The following TENM4 variants were observed in gnomAD, a reference collection of about 807,000 sequenced individuals.
The protein encoded by TENM4 is teneurin transmembrane protein 4.
Under a neutral mutation model 243.3 loss-of-function variants are expected in TENM4, and 82 were observed. The ratio of observed to expected loss-of-function variants is 0.34; its 90% CI spans 0.28 to 0.40. The LOEUF is 0.40. TENM4 is among the 10% of genes least tolerant of loss of function. TENM4 has a pLI of 1.00. For synonymous variants in TENM4, 1,412 were observed against 1,456.3 expected, an observed-to-expected ratio of 0.97 and a Z score of 0.69; for missense variants, 3,138 against 3,673.3, an observed-to-expected ratio of 0.85 and a Z score of 3.77.
intron 2 of TENM4, among the ~76,000 whole-genome samples, chr11:79,274,188 T>A (rs76841254): frequency 6.6e-6 from 1 of 152,174 alleles, no homozygotes; most frequent in Non-Finnish European, 1.5e-5. Flanking sequence ...AAACATCAAA[T>A]GTAAACACCT....
At chr11:79,077,323 G>A (rs1044533704) in intron 4 of TENM4, among the ~76,000 whole-genome samples, 2 of 152,174 alleles carry the variant, frequency 1.3e-5, no homozygotes, top group African/African-American at 4.8e-5. Context: ...TGGGTCAAAG[G>A]TGGAGAGACC....
At chr11:79,362,734 A>G (rs1857610695) in intron 1 of TENM4, among the ~76,000 whole-genome samples, 1 of 152,240 alleles carries the variant, frequency 6.6e-6, no homozygotes, top group Admixed American at 6.5e-5. Context: ...GACCCTGGGT[A>G]AGTCTCTCAA....
At chr11:79,059,952 G>T (rs1167034160) in intron 6 of TENM4, among the ~76,000 whole-genome samples, 1 of 152,180 alleles carries the variant, frequency 6.6e-6, no homozygotes, top group Non-Finnish European at 1.5e-5. Flanking sequence ...CTCTATTAAA[G>T]AGCTGCAAGG....
At chr11:78,910,187 C>T (rs896206001) in intron 6 of TENM4, among the ~76,000 whole-genome samples, 1 of 152,216 alleles carries the variant, frequency 6.6e-6, no homozygotes, top group African/African-American at 2.4e-5. Context: ...GTGCCCACAT[C>T]CAGCCCTGCA....
At chr11:79,258,152 G>C (rs754135100) in intron 2 of TENM4, among the ~76,000 whole-genome samples, 1 of 152,124 alleles carries the variant, frequency 6.6e-6, no homozygotes. Flanking sequence ...AGACAAATAG[G>C]CCTTTGGAGT....
intron 6 of TENM4, among the ~76,000 whole-genome samples, chr11:78,965,088 G>A (rs1270935547): frequency 6.6e-6 from 1 of 151,870 alleles, no homozygotes; most frequent in Non-Finnish European, 1.5e-5. Context: ...GGCTGGTCTC[G>A]AACTCCTGAC....
chr11:79,246,985 CAA>C (rs66877398), intron 2 of TENM4, among the ~76,000 whole-genome samples: 6,716 of 133,638 alleles, frequency 0.05, 557 homozygotes, highest in African/African-American at 0.18. Flanking sequence ...TTGTATTTCT[CAA>C]AAAAAAAAAA....
intron 2 of TENM4, among the ~76,000 whole-genome samples, chr11:79,237,322 C>T (rs1347124774): frequency 1.3e-5 from 2 of 152,182 alleles, no homozygotes; most frequent in Non-Finnish European, 2.9e-5. Flanking sequence ...CCCTGATGCC[C>T]TGCTACAGTT....
intron 6 of TENM4, among the ~76,000 whole-genome samples, chr11:78,954,833 A>AGAAATGAATATGGTTTGG (rs1857175965): frequency 6.6e-6 from 1 of 152,266 alleles, no homozygotes; most frequent in African/African-American, 2.4e-5. Context: ...ACAGTGACAC[A>AGAAATGAATATGGTTTGG]GAAATGAATA....
chr11:78,769,446 A>G (rs1333640544), intron 18 of TENM4, among the ~76,000 whole-genome samples: 4 of 152,190 alleles, frequency 2.6e-5, no homozygotes, highest in Non-Finnish European at 5.9e-5. Flanking sequence ...ACTCTACAAC[A>G]GCACTTATCA....
chr11:79,027,682 T>G (rs1273383653), intron 6 of TENM4, among the ~76,000 whole-genome samples: 1 of 152,196 alleles, frequency 6.6e-6, no homozygotes, highest in African/African-American at 2.4e-5. Flanking sequence ...TCCTTGGACA[T>G]TTCTTCTCTG....
intron 4 of TENM4, among the ~76,000 whole-genome samples, chr11:79,122,373 C>T (rs1861761857): frequency 2.0e-5 from 3 of 152,030 alleles, no homozygotes; most frequent in Non-Finnish European, 4.4e-5. Context: ...CCTGGACAGC[C>T]CATTTAAAGA....
chr11:79,423,437 A>G (rs2135594419), intron 1 of TENM4, among the ~76,000 whole-genome samples: 1 of 152,088 alleles, frequency 6.6e-6, no homozygotes, highest in African/African-American at 2.4e-5. Flanking sequence ...TACCATCCAC[A>G]AGAGCAGAGC....
rs757473649 is a variant in TENM4, at chr11:78,658,380, T to C, written c.7988A>G (p.Tyr2663Cys). 10 of 1,613,958 alleles carry C rather than the reference T, an allele frequency of 6.2e-6. No individual in the cohort carries two copies. The Admixed American group carries it at 1.5e-4, about 24-fold the overall frequency. ...NTVLNGRTRR[Y>C]TDIQLQYGAL... ...CCCGTACTGGAGCTGGATGTCTGTGTAGCGTCTAGTCCTGCCATTAAGTAC... is the reference window on the plus strand; with the variant it reads ...CCCGTACTGGAGCTGGATGTCTGTGCAGCGTCTAGTCCTGCCATTAAGTAC... Residue 2663 changes from tyrosine to cysteine, a missense_variant, in exon 34 of 34, where the codon TAC becomes TGC. By Grantham distance (194) the Tyr-to-Cys change is radical (BLOSUM62 -2). This residue lies in a region of TENM4 where 2,467 missense variants were observed against 3,059.1 expected (regional missense o/e 0.81). Coordinates refer to ENST00000278550, the MANE Select transcript of TENM4 (RefSeq NM_001098816.3).
At chr11:78,773,499 A>G (rs1487206217) in intron 17 of TENM4, among the ~76,000 whole-genome samples, 4 of 152,130 alleles carry the variant, frequency 2.6e-5, no homozygotes, top group Non-Finnish European at 4.4e-5. Flanking sequence ...CATATGTTGT[A>G]CCCACAACCT....
At chr11:79,291,245 G>A (rs568561959) in intron 2 of TENM4, among the ~76,000 whole-genome samples, 1 of 152,344 alleles carries the variant, frequency 6.6e-6, no homozygotes, top group South Asian at 2.1e-4. Flanking sequence ...AACTGCTTTA[G>A]TTCTGTGTAG....
At chr11:78,849,953 G>A (rs953607426) in intron 12 of TENM4, among the ~76,000 whole-genome samples, 1 of 152,176 alleles carries the variant, frequency 6.6e-6, no homozygotes, top group South Asian at 2.1e-4. Context: ...GCCCAGCCAG[G>A]ACCAGGGTCA....
chr11:79,074,633 C>A (rs897908376), intron 4 of TENM4, among the ~76,000 whole-genome samples: 1 of 152,222 alleles, frequency 6.6e-6, no homozygotes, highest in Non-Finnish European at 1.5e-5. Flanking sequence ...AACTGCCTGC[C>A]ATTTGCCAGA....
At chr11:79,141,705 A>C (rs192032513) in intron 4 of TENM4, among the ~76,000 whole-genome samples, 2 of 152,186 alleles carry the variant, frequency 1.3e-5, no homozygotes, top group Admixed American at 6.6e-5. Context: ...ACAAAACCAA[A>C]CAAACAAAAC....
Sources: allele counts gnomAD v4.1 joint callset (sites outside exome capture counted in the v4.1 genomes callset), GRCh38; gene constraint gnomAD v4.1.1; regional missense constraint gnomAD v4.1.1; transcripts MANE v1.5; gene names NCBI Gene and HGNC (gene_info 2026-07-23, HGNC 2026-07-21).